The following TRIM25 variants were observed in gnomAD, a reference collection of about 807,000 sequenced individuals.
TRIM25 encodes tripartite motif containing 25.
Under a neutral mutation model 65.2 loss-of-function variants are expected in TRIM25, and 45 were observed. The ratio of observed to expected loss-of-function variants is 0.69; its 90% CI spans 0.54 to 0.89. The LOEUF (loss-of-function observed/expected upper bound fraction) is 0.89. TRIM25 is among the 40% of genes least tolerant of loss of function. The probability of loss-of-function intolerance (pLI) is 0.00; values close to 1 mark genes in which losing one functional copy is unlikely to be tolerated. For synonymous variants in TRIM25, 321 were observed against 340.4 expected (o/e 0.94, Z 0.63); for missense variants, 714 against 803.7 (o/e 0.89, Z 1.35).
chr17:56,906,085 C>T (rs1325753996), intron 2 of TRIM25, among the ~76,000 whole-genome samples: 2 of 152,358 alleles, frequency 1.3e-5, no homozygotes, highest in East Asian at 3.9e-4. Flanking sequence ...AATTTTGTTT[C>T]ACATCTTGGG....
chr17:56,898,337 G>T (rs895888030), intron 5 of TRIM25, among the ~76,000 whole-genome samples: 2 of 152,112 alleles, frequency 1.3e-5, no homozygotes, highest in Admixed American at 1.3e-4. Flanking sequence ...ACATCTCAGT[G>T]GTATATGGAC....
rs1909567143 is a variant in TRIM25, at chr17:56,908,571, G to A, written c.598-8C>T. The A allele has an allele frequency of 6.8e-6, 11 of 1,612,840 alleles. No homozygotes were observed. The highest frequency in any genetic ancestry group is 2.7e-5 in the African/African-American group (2 of 74,898). ...TTTGTGCCTCAGGGTGGCCTGCAGG[G>A]AAAACAAATGAGGTTGAGAATGCAC... is the stretch of plus-strand genomic sequence containing the variant. On this transcript the variant is annotated splice_polypyrimidine_tract_variant and splice_region_variant and intron_variant, in intron 1 of 8. Coordinates refer to ENST00000316881, the MANE Select transcript of TRIM25 (RefSeq NM_005082.5).
intron 4 of TRIM25, among the ~76,000 whole-genome samples, 168 bp from the exon 5 acceptor site, chr17:56,899,348 C>G (rs1909364575): frequency 6.6e-6 from 1 of 152,226 alleles, no homozygotes; most frequent in Non-Finnish European, 1.5e-5. Context: ...ATCTAAGAAC[C>G]AGTTTGGTGT....
chr17:56,895,839 T>C (rs1909281622), intron 6 of TRIM25, 87 bp downstream of exon 6: 2 of 1,526,538 alleles, frequency 1.3e-6, no homozygotes, highest in Admixed American at 3.9e-5. Flanking sequence ...AGAACCCTGA[T>C]GAGAGAGGTC....
rs148726905 is a variant in TRIM25 at position 56,907,520 on chromosome 17, G to A, written c.693+948C>T. ...CCATAACTGCTGCAATAAAACTGGT[G>A]CTGCAGCTCTGAAAAAGGGTAAAAA... On this transcript the variant is annotated intron_variant, in intron 2 of 8. Coordinates refer to ENST00000316881, the MANE Select transcript of TRIM25 (RefSeq NM_005082.5). 2.6e-5 allele frequency among the ~76,000 whole-genome samples: 4 copies of A among 152,320 alleles called. No individual in the cohort carries two copies. In the East Asian group the frequency reaches 7.7e-4, roughly 29 times the overall value.
chr17:56,895,685 T>C (rs1909278411), intron 6 of TRIM25, 81 bp from the exon 7 acceptor site: 10 of 1,402,816 alleles, frequency 7.1e-6, no homozygotes, highest in Non-Finnish European at 9.7e-6. Flanking sequence ...GAGCCACTTC[T>C]ACAAACACAC....
chr17:56,913,927 T>G lies in TRIM25; in HGVS notation c.62A>C (p.Lys21Thr), dbSNP rs779115741. The change falls in exon 1 of 9, where the codon AAG (lysine) becomes ACG (threonine). Residue 21 changes from lysine (K) to threonine (T), a missense_variant. Physicochemically the swap from Lys to Thr is moderately conservative, Grantham distance 78. Around this residue, in one of 3 missense-constraint regions of TRIM25, gnomAD observed 291 missense variants for 281.8 expected, o/e 1.03. Coordinates refer to ENST00000316881, the MANE Select transcript of TRIM25 (RefSeq NM_005082.5). The surrounding 1 kb of genome is among the most constrained non-coding windows in gnomAD (Gnocchi z 6.1). ...GCCGCACGGAGTGGTGACCGGCTCC[T>G]TGAAGGGCTCCAGGCAGATGGAGCA... The part of the protein sequence containing the change: ...LSCSICLEPF[K>T]EPVTTPCGHN... 1.5e-5 allele frequency: 23 copies of G among 1,583,586 alleles called. No individual in the cohort carries two copies. The highest frequency in any genetic ancestry group is 1.8e-5 in the Non-Finnish European group (21 of 1,165,722).
intron 1 of TRIM25, among the ~76,000 whole-genome samples, chr17:56,909,187 C>T (rs1909579350): frequency 6.6e-6 from 1 of 151,726 alleles, no homozygotes; most frequent in Admixed American, 6.6e-5. Flanking sequence ...GAGAGCCAAT[C>T]AAGCAGAGGA....
rs190000608 is a variant in TRIM25, at chr17:56,889,978, G to A, written c.*1722C>T. The A allele has an allele frequency of 4.0e-4, 159 of 397,728 alleles. No individual in the cohort carries two copies. The highest frequency in any genetic ancestry group is 6.6e-5 in the Non-Finnish European group (15 of 226,100). The allele number at this position is 397,728 out of a possible 1,614,324, so 24.6% of individuals were successfully genotyped here. ...AAAATCCTTGTTAGGAGATGACACC[G>A]ATCAGGTATGTACCTGCATGTCAGG... is the stretch of plus-strand genomic sequence containing the variant. On this transcript the variant is annotated 3_prime_UTR_variant, in exon 9 of 9. Coordinates refer to ENST00000316881, the MANE Select transcript of TRIM25 (RefSeq NM_005082.5).
At chr17:56,908,383 G>T in intron 2 of TRIM25, 85 bp downstream of exon 2, 2 of 1,348,686 alleles carry the variant, frequency 1.5e-6, no homozygotes, top group Non-Finnish European at 2.1e-6. Flanking sequence ...CACCAGCCTT[G>T]TCATGGTCAG....
In TRIM25 at chr17:56,913,452, G is replaced by T; in HGVS notation, c.537C>A (p.Cys179Ter). The change falls in exon 1 of 9, where the codon TGC (cysteine) becomes TGA (stop). Residue 179 changes from cysteine to a stop codon, truncating the protein, a stop_gained. Transcript: ENST00000316881. LOFTEE classifies it high-confidence loss of function. This position sits in a 1 kb window ranked among gnomAD's most constrained non-coding sequence, Gnocchi z 6.1. Reference protein sequence around the residue: ...PEHSECICHICLVEHKTCSPA... With the variant: ...PEHSECICHI Reference sequence around the variant, plus strand: ...GAGAGCAGGTCTTATGCTCCACCAGGCAGATGTGGCAGATGCACTCGCTGT... The same window carrying T: ...GAGAGCAGGTCTTATGCTCCACCAGTCAGATGTGGCAGATGCACTCGCTGT... 6.2e-7 allele frequency: 1 copy of T among 1,609,836 alleles called. No homozygotes were observed.
intron 5 of TRIM25, 85 bp downstream of exon 5, chr17:56,899,030 C>T (rs554106155): frequency 2.8e-4 from 430 of 1,513,456 alleles, no homozygotes; most frequent in Admixed American, 9.5e-4. Context: ...CACAGTGACT[C>T]GGGATGGGCC....
chr17:56,893,051 A>G (rs1598070448), intron 8 of TRIM25, among the ~76,000 whole-genome samples: 4 of 152,220 alleles, frequency 2.6e-5, no homozygotes, highest in African/African-American at 9.6e-5. Context: ...AGACAGAGGG[A>G]ACAGTGAGAG....
chr17:56,911,012 C>A (rs934688882), intron 1 of TRIM25, among the ~76,000 whole-genome samples: 2 of 152,210 alleles, frequency 1.3e-5, no homozygotes, highest in Non-Finnish European at 2.9e-5. Flanking sequence ...CGCCTGTAAT[C>A]CCAGCACTTC....
At chr17:56,904,581 C>A in intron 2 of TRIM25, 93 bp from the exon 3 acceptor site, 1 of 1,150,550 alleles carries the variant, frequency 8.7e-7, no homozygotes. Flanking sequence ...GTTCCAGGAA[C>A]TCTTACCTGT....
At chr17:56,894,377 T>C (rs1210084566) in intron 8 of TRIM25, among the ~76,000 whole-genome samples, 4 of 152,218 alleles carry the variant, frequency 2.6e-5, no homozygotes, top group African/African-American at 9.6e-5. Context: ...GCCTCCCAAG[T>C]AGCTGGGATT....
intron 1 of TRIM25, among the ~76,000 whole-genome samples, chr17:56,909,866 A>G (rs1909593742): frequency 6.6e-6 from 1 of 152,164 alleles, no homozygotes; most frequent in Non-Finnish European, 1.5e-5. Context: ...GCTCAGATGA[A>G]TACTGCACAG....
At chr17:56,899,570 T>C (rs556276322) in intron 4 of TRIM25, among the ~76,000 whole-genome samples, 16 of 152,262 alleles carry the variant, frequency 1.1e-4, no homozygotes, top group African/African-American at 3.9e-4. Context: ...CCTTTCCCAC[T>C]ATTCTTTCTC....
At chr17:56,903,723 A>G (rs1267344595) in intron 3 of TRIM25, among the ~76,000 whole-genome samples, 1 of 152,176 alleles carries the variant, frequency 6.6e-6, no homozygotes, top group African/African-American at 2.4e-5. Flanking sequence ...ATTGATTTTG[A>G]GTTCATCAAA....
Sources: gnomAD v4.1 joint callset for allele counts (sites outside exome capture counted in the v4.1 genomes callset) on GRCh38, gnomAD v4.1.1 for gene constraint, gnomAD v4.1.1 regional missense constraint, Gnocchi (gnomAD v3.1) non-coding constraint, MANE v1.5 for transcripts, NCBI Gene and HGNC (gene_info 2026-07-23, HGNC 2026-07-21) for gene names.